SLC30A8: variants seen among roughly 807,000 people sequenced by gnomAD.
SLC30A8 encodes the protein solute carrier family 30 member 8.
A neutral mutation model predicts 36.9 loss-of-function variants in SLC30A8; 27 were observed. That is an observed-to-expected ratio of 0.73 (90% CI 0.54 to 1.01). The LOEUF is 1.01. Among genes scored for constraint, SLC30A8 ranks in the 50% least tolerant of loss-of-function variants. SLC30A8 has a pLI of 0.00. For missense variants in SLC30A8, 439 were observed against 452.0 expected (o/e 0.97, Z 0.26); for synonymous variants, 164 against 172.4 (o/e 0.95, Z 0.38).
intron 1 of SLC30A8, among the ~76,000 whole-genome samples, chr8:117,017,366 A>C (rs1254971897): frequency 6.6e-6 from 1 of 152,224 alleles, no homozygotes; most frequent in Non-Finnish European, 1.5e-5. Context: ...ATAATATTAG[A>C]ATACAAGGTT....
intron 2 of SLC30A8, chr8:117,147,454 CATA>C: frequency 3.3e-6 from 1 of 307,498 alleles, no homozygotes; most frequent in Non-Finnish European, 6.2e-6. Flanking sequence ...TGCTTTTGAC[CATA>C]CTGTCAAATA....
At chr8:117,165,311 A>G (rs1248528503) in intron 6 of SLC30A8, among the ~76,000 whole-genome samples, 2 of 152,212 alleles carry the variant, frequency 1.3e-5, no homozygotes, top group African/African-American at 4.8e-5. Context: ...ATAAACTCTC[A>G]GCTAGCATTT....
chr8:117,093,591 T>G (rs1045881970), intron 2 of SLC30A8, among the ~76,000 whole-genome samples: 14 of 152,002 alleles, frequency 9.2e-5, no homozygotes, highest in Non-Finnish European at 8.8e-5. Flanking sequence ...CACTCAACTG[T>G]TTTTCTACTA....
intron 1 of SLC30A8, among the ~76,000 whole-genome samples, chr8:117,013,251 T>G (rs938374905): frequency 3.3e-5 from 5 of 152,178 alleles, no homozygotes; most frequent in African/African-American, 1.2e-4. Flanking sequence ...TCTTTGCCAT[T>G]TTAGCATTCA....
intron 1 of SLC30A8, among the ~76,000 whole-genome samples, chr8:116,985,258 C>G (rs1465062136): frequency 1.3e-5 from 2 of 150,892 alleles, no homozygotes; most frequent in Admixed American, 6.6e-5. Flanking sequence ...TAGAATTTCT[C>G]TAAGTATATG....
chr8:117,065,254 T>C (rs1419363901), intron 2 of SLC30A8, among the ~76,000 whole-genome samples: 1 of 152,188 alleles, frequency 6.6e-6, no homozygotes, highest in African/African-American at 2.4e-5. Flanking sequence ...ATATAACTTT[T>C]CTCTATGCTT....
chr8:116,955,499 G>A (rs1563720915), intron 1 of SLC30A8, among the ~76,000 whole-genome samples: 1 of 152,116 alleles, frequency 6.6e-6, no homozygotes, highest in African/African-American at 2.4e-5. Context: ...GGAGGCTGAG[G>A]TGGGTGGATC....
chr8:117,087,481 C>G (rs531626556), intron 2 of SLC30A8, among the ~76,000 whole-genome samples: 1 of 152,268 alleles, frequency 6.6e-6, no homozygotes, highest in South Asian at 2.1e-4. Context: ...TCTGTTCAAG[C>G]AATTCTAGCT....
At chr8:117,045,929 T>TC (rs144767927) in intron 2 of SLC30A8, among the ~76,000 whole-genome samples, 1 of 151,474 alleles carries the variant, frequency 6.6e-6, no homozygotes, top group African/African-American at 2.4e-5. Context: ...TTTTTTTTTT[T>TC]CCCCCTTCTT....
intron 1 of SLC30A8, among the ~76,000 whole-genome samples, chr8:116,971,156 A>G (rs1440544337): frequency 1.3e-5 from 2 of 152,188 alleles, no homozygotes; most frequent in Non-Finnish European, 2.9e-5. Flanking sequence ...TAGTTAATGC[A>G]TGTTGAGCTG....
intron 1 of SLC30A8, among the ~76,000 whole-genome samples, chr8:117,030,521 T>C (rs924174919): frequency 1.1e-4 from 16 of 152,218 alleles, no homozygotes; most frequent in African/African-American, 3.4e-4. Context: ...GAACTTGATC[T>C]CTTTGGTCTG....
intron 2 of SLC30A8, among the ~76,000 whole-genome samples, chr8:117,109,993 T>A (rs1173110733): frequency 6.6e-6 from 1 of 152,192 alleles, no homozygotes; most frequent in Non-Finnish European, 1.5e-5. Flanking sequence ...CCTCTCTGTT[T>A]TGAAAAACTA....
chr8:117,133,099 A>G (rs773471619), upstream of SLC30A8, among the ~76,000 whole-genome samples: 6 of 152,048 alleles, frequency 3.9e-5, no homozygotes, highest in Non-Finnish European at 7.4e-5. Context: ...TTAGGTATCT[A>G]TATATGTGTG....
At chr8:117,137,894 C>T (rs758655221) in intron 1 of SLC30A8, among the ~76,000 whole-genome samples, 16 of 151,648 alleles carry the variant, frequency 1.1e-4, no homozygotes, top group Non-Finnish European at 1.8e-4. Context: ...ATTGCATGTG[C>T]ATATTGGATG....
chr8:116,990,329 A>C (rs1302330342), intron 1 of SLC30A8, among the ~76,000 whole-genome samples: 1 of 152,094 alleles, frequency 6.6e-6, no homozygotes, highest in Non-Finnish European at 1.5e-5. Flanking sequence ...AAAAAAAAAT[A>C]GCTCTACAGT....
chr8:117,078,846 C>T (rs1818572696), intron 2 of SLC30A8, among the ~76,000 whole-genome samples: 1 of 152,066 alleles, frequency 6.6e-6, no homozygotes, highest in Non-Finnish European at 1.5e-5. Context: ...TGCCGCCACA[C>T]CTAGCTAATT....
chr8:117,092,744 C>T (rs7841081), intron 2 of SLC30A8, among the ~76,000 whole-genome samples: 5,001 of 152,258 alleles, frequency 0.033, 193 homozygotes, highest in African/African-American at 0.097. Context: ...GGAGGTTCCT[C>T]GTCTTGTTTG....
At chr8:117,043,407 T>G (rs1817451514) in intron 2 of SLC30A8, among the ~76,000 whole-genome samples, 1 of 152,058 alleles carries the variant, frequency 6.6e-6, no homozygotes, top group Non-Finnish European at 1.5e-5. Context: ...AGTGCGTGAA[T>G]AGAGAGACAC....
chr8:117,021,730 G>T (rs1816701155), intron 1 of SLC30A8, among the ~76,000 whole-genome samples: 1 of 152,082 alleles, frequency 6.6e-6, no homozygotes, highest in South Asian at 2.1e-4. Flanking sequence ...AAGCTGCAGG[G>T]TTTACACAAC....
Sources: gnomAD v4.1 joint callset for allele counts (sites outside exome capture counted in the v4.1 genomes callset) on GRCh38, gnomAD v4.1.1 for gene constraint, MANE v1.5 for transcripts, NCBI Gene and HGNC (gene_info 2026-07-23, HGNC 2026-07-21) for gene names.